FAS: variants seen among roughly 807,000 people sequenced by gnomAD.
FAS encodes the protein tumor necrosis factor receptor superfamily member 6.
Under a neutral mutation model 33.2 loss-of-function variants are expected in FAS, and 5 were observed. The ratio of observed to expected loss-of-function variants is 0.15; its 90% CI spans 0.08 to 0.32. The LOEUF is 0.32. Among genes scored for constraint, FAS ranks in the 10% least tolerant of loss-of-function variants. The probability of loss-of-function intolerance (pLI) is 1.00; values close to 1 mark genes in which losing one functional copy is unlikely to be tolerated. For missense variants in FAS, 339 were observed against 386.0 expected (o/e 0.88, Z 1.02); for synonymous variants, 131 against 130.7 (o/e 1.00, Z -0.01).
At chr10:88,991,064 C>T in intron 1 of FAS, 158 bp downstream of exon 1, 1 of 921,008 alleles carries the variant, frequency 1.1e-6, no homozygotes, top group South Asian at 1.5e-5. Flanking sequence ...GAGACTGGCT[C>T]CCGGGGGCTG....
chr10:89,014,894 C>T lies in FAS; in HGVS notation c.*444C>T. The stretch of plus-strand genomic sequence containing the variant: ...GGCAGGCCACTTTGCCTCTAAATTA[C>T]CTCTGATAATTCTAGAGATTTTACC... On this transcript the variant is annotated 3_prime_UTR_variant, in exon 9 of 9. Transcript: ENST00000652046. 1 of 535,948 alleles carries T rather than the reference C, an allele frequency of 1.9e-6. No homozygotes were observed. The highest frequency in any genetic ancestry group is 1.5e-5 in the South Asian group (1 of 65,188). 33.2% of individuals were successfully genotyped at this position (535,948 alleles called of 1,614,324 possible).
chr10:89,008,957 T>C lies in FAS; in HGVS notation c.403T>C (p.Cys135Arg). Residue 135 changes from cysteine to arginine, a missense_variant, in exon 4 of 9, where the codon TGT (cysteine) becomes CGT (arginine). Coordinates refer to ENST00000652046, the MANE Select transcript of FAS (RefSeq NM_000043.6). ...GTGCAGATGTAAACCAAACTTTTTT[T>C]GTAACTCTACTGTATGTGAACACTG... is the stretch of plus-strand genomic sequence containing the variant. ...TKCRCKPNFF[C>R]NSTVCEHCDP... The C allele has an allele frequency of 6.2e-7, 1 of 1,614,080 alleles. No individual in the cohort carries two copies. The highest frequency in any genetic ancestry group is 8.5e-7 in the Non-Finnish European group (1 of 1,179,910).
At chr10:89,009,635 T>C (rs779872542) in intron 4 of FAS, among the ~76,000 whole-genome samples, 2 of 152,184 alleles carry the variant, frequency 1.3e-5, no homozygotes, top group Non-Finnish European at 1.5e-5. Context: ...GTAAGTCATC[T>C]TGGGAAGCTT....
At chr10:88,971,912 C>CTTT (rs547839484) in intron 1 of FAS, among the ~76,000 whole-genome samples, 1 of 139,984 alleles carries the variant, frequency 7.1e-6, no homozygotes, top group Non-Finnish European at 1.6e-5. Flanking sequence ...AAGGGGACTA[C>CTTT]TTTTTTTTTT....
At chr10:88,991,082 C>T (rs1171112782) in intron 1 of FAS, 176 bp downstream of exon 1, 3 of 760,280 alleles carry the variant, frequency 3.9e-6, no homozygotes, top group African/African-American at 3.5e-5. Context: ...CTGTTAGGAC[C>T]TTCCCTCAGG....
At chr10:88,994,774 A>G (rs1349222592) in intron 1 of FAS, among the ~76,000 whole-genome samples, 1 of 151,642 alleles carries the variant, frequency 6.6e-6, no homozygotes, top group Non-Finnish European at 1.5e-5. Context: ...CATTATAGAG[A>G]GAGCATTTAT....
At chr10:89,003,390 G>A (rs750164986) in intron 2 of FAS, among the ~76,000 whole-genome samples, 196 bp downstream of exon 2, 11 of 152,178 alleles carry the variant, frequency 7.2e-5, no homozygotes, top group Non-Finnish European at 1.5e-4. Context: ...ATGTGGTTAT[G>A]GATAAATTTA....
intron 1 of FAS, among the ~76,000 whole-genome samples, chr10:88,991,796 A>G (rs1847243802): frequency 6.6e-6 from 1 of 152,146 alleles, no homozygotes; most frequent in East Asian, 1.9e-4. Context: ...TTGGCCAAGA[A>G]ACTTGAGCAG....
chr10:89,008,229 C>T (rs543520637), intron 3 of FAS, among the ~76,000 whole-genome samples: 1 of 152,252 alleles, frequency 6.6e-6, no homozygotes, highest in Admixed American at 6.5e-5. Flanking sequence ...AGGAATGCTC[C>T]CCCTTTCTTT....
upstream of FAS, chr10:88,989,592 A>G (rs1305692289): frequency 3.7e-6 from 2 of 538,910 alleles, no homozygotes; most frequent in South Asian, 2.8e-5. Flanking sequence ...AAGTGCAGTG[A>G]CAGATGCAAA....
intron 2 of FAS, among the ~76,000 whole-genome samples, chr10:88,977,087 A>G (rs1846581189): frequency 6.6e-6 from 1 of 152,218 alleles, no homozygotes; most frequent in Non-Finnish European, 1.5e-5. Context: ...AAAAAATTTA[A>G]GATAATTTTC....
intron 2 of FAS, among the ~76,000 whole-genome samples, chr10:89,005,288 A>G (rs1384809943): frequency 6.6e-6 from 1 of 152,172 alleles, no homozygotes; most frequent in Non-Finnish European, 1.5e-5. Flanking sequence ...GACTTAAGAA[A>G]GAACCTGGGA....
chr10:88,966,669 G>A (rs916239345), intron 1 of FAS, among the ~76,000 whole-genome samples: 1 of 152,176 alleles, frequency 6.6e-6, no homozygotes, highest in Non-Finnish European at 1.5e-5. Flanking sequence ...CTGGCTGTCT[G>A]TGTTTGGGCA....
intron 2 of FAS, among the ~76,000 whole-genome samples, chr10:88,981,469 G>C (rs183542310): frequency 3.5e-4 from 53 of 152,094 alleles, no homozygotes; most frequent in African/African-American, 1.3e-3. Context: ...AGGAAAAGTT[G>C]ATAGTAAATT....
Position 89,003,109 on chromosome 10 carries a change from G to A in FAS, c.111G>A (p.Leu37=). 6.2e-7 allele frequency: 1 copy of A among 1,614,152 alleles called. No individual in the cohort carries two copies. Among genetic ancestry groups the A allele is most frequent in the Non-Finnish European group, 8.5e-7 (1 of 1,180,002 alleles). The change falls in exon 2 of 9, where the codon TTG becomes TTA. Residue 37 remains leucine (L), a synonymous_variant. Coordinates refer to ENST00000652046, the MANE Select transcript of FAS (RefSeq NM_000043.6). ...VTDINSKGLE[L]RKTVTTVETQ... is the part of the protein sequence containing the mutation. ...ACATCAACTCCAAGGGATTGGAATT[G>A]AGGAAGACTGTTACTACAGTTGAGA...
At chr10:88,968,007 T>A (rs1846350815) in intron 1 of FAS, among the ~76,000 whole-genome samples, 1 of 152,228 alleles carries the variant, frequency 6.6e-6, no homozygotes, top group South Asian at 2.1e-4. Context: ...AAGTCCTTTT[T>A]TTTTTCTGTA....
intron 1 of FAS, among the ~76,000 whole-genome samples, chr10:88,964,258 C>T (rs1221318030): frequency 6.6e-6 from 1 of 152,058 alleles, no homozygotes; most frequent in East Asian, 1.9e-4. Flanking sequence ...AAAAAGCGAA[C>T]AGAAGTTTAT....
At chr10:89,007,984 C>G (rs1406847310) in intron 3 of FAS, 147 bp downstream of exon 3, 8 of 1,250,954 alleles carry the variant, frequency 6.4e-6, no homozygotes, top group Non-Finnish European at 9.2e-6. Flanking sequence ...ACCGCAGAAC[C>G]AGGTGCCGAG....
upstream of FAS, chr10:88,989,344 C>CTTTT: frequency 3.2e-6 from 1 of 311,230 alleles, no homozygotes; most frequent in South Asian, 2.6e-5. Flanking sequence ...CTTCTTTTTA[C>CTTTT]ATTTTTTTAT....
Sources: allele counts gnomAD v4.1 joint callset (sites outside exome capture counted in the v4.1 genomes callset), GRCh38; gene constraint gnomAD v4.1.1; transcripts MANE v1.5; gene names NCBI Gene and HGNC (gene_info 2026-07-23, HGNC 2026-07-21).